The following AGBL1 variants were observed in gnomAD, a reference collection of about 807,000 sequenced individuals.
The protein encoded by AGBL1 is cytosolic carboxypeptidase 4.
Under a neutral mutation model 118.9 loss-of-function variants are expected in AGBL1, and 130 were observed. The ratio of observed to expected loss-of-function variants is 1.09; its 90% CI spans 0.95 to 1.26. The LOEUF is 1.26. Ranked by LOEUF, AGBL1 falls within the 50% of genes most tolerant of loss-of-function variation. The pLI, the probability that AGBL1 is intolerant of heterozygous loss-of-function variation, is 0.00. For synonymous variants in AGBL1, 555 were observed against 478.9 expected, an observed-to-expected ratio of 1.16 and a Z score of -2.08; for missense variants, 1,584 against 1,298.1, an observed-to-expected ratio of 1.22 and a Z score of -3.38.
At chr15:86,992,015 G>A (rs1393540623) in intron 24 of AGBL1, among the ~76,000 whole-genome samples, 1 of 152,166 alleles carries the variant, frequency 6.6e-6, no homozygotes. Flanking sequence ...AAGGAAAAGA[G>A]GTTTAATTGG....
chr15:86,513,015 T>C (rs1169721445), intron 18 of AGBL1, among the ~76,000 whole-genome samples: 3 of 151,848 alleles, frequency 2.0e-5, no homozygotes, highest in Admixed American at 2.0e-4. Context: ...AGTAATAGTA[T>C]AAAAATATTC....
chr15:86,503,318 A>G (rs2082937823), intron 18 of AGBL1, among the ~76,000 whole-genome samples: 2 of 151,308 alleles, frequency 1.3e-5, no homozygotes, highest in South Asian at 2.1e-4. Context: ...AATAATTTAC[A>G]TCTTTTCTTC....
At chr15:86,126,247 T>C (rs759611837) in intron 1 of AGBL1, among the ~76,000 whole-genome samples, 1 of 152,200 alleles carries the variant, frequency 6.6e-6, no homozygotes, top group African/African-American at 2.4e-5. Flanking sequence ...ATAAGAAAGA[T>C]GAAATGTCAT....
At chr15:87,016,219 A>T (rs2081606812) in intron 24 of AGBL1, among the ~76,000 whole-genome samples, 1 of 151,758 alleles carries the variant, frequency 6.6e-6, no homozygotes, top group Non-Finnish European at 1.5e-5. Context: ...ACTAGGACTG[A>T]TATAAGGCCC....
intron 18 of AGBL1, among the ~76,000 whole-genome samples, chr15:86,439,816 G>T (rs776876842): frequency 1.3e-5 from 2 of 152,096 alleles, no homozygotes; most frequent in African/African-American, 2.4e-5. Flanking sequence ...GGCCTCAGTC[G>T]CTCAAACAGC....
At chr15:86,508,231 C>G (rs533760631) in intron 18 of AGBL1, among the ~76,000 whole-genome samples, 5 of 151,932 alleles carry the variant, frequency 3.3e-5, no homozygotes, top group African/African-American at 1.2e-4. Flanking sequence ...CTGTGATTTG[C>G]CTTTTAATTT....
Position 86,440,379 on chromosome 15 carries a change from C to T in AGBL1, c.2555+42833C>T, listed in dbSNP as rs189691599. On this transcript the variant is annotated intron_variant, in intron 18 of 22. Transcript: ENST00000614907. ...TCAGAAATTGATGTCTTTGTAAAAG[C>T]CTTTTTAGATCATCAACAAAGGAGA... Among the ~76,000 whole-genome samples the T allele has an allele frequency of 1.7e-3, 262 of 151,860 alleles. 2 individuals are homozygous for T. The highest frequency in any genetic ancestry group is 6.1e-3 in the African/African-American group (253 of 41,400).
chr15:86,631,821 G>C (rs1414683749), intron 21 of AGBL1, among the ~76,000 whole-genome samples: 1 of 152,158 alleles, frequency 6.6e-6, no homozygotes, highest in African/African-American at 2.4e-5. Flanking sequence ...TACTGCCTCT[G>C]CCTCCATCCC....
chr15:86,963,052 T>C (rs2081009618), intron 23 of AGBL1, among the ~76,000 whole-genome samples: 1 of 152,100 alleles, frequency 6.6e-6, no homozygotes, highest in Non-Finnish European at 1.5e-5. Context: ...AACAATGATA[T>C]TAAAATATCA....
At chr15:86,796,657 A>G (rs78603375) in intron 22 of AGBL1, among the ~76,000 whole-genome samples, 8,889 of 152,314 alleles carry the variant, frequency 0.058, 402 homozygotes, top group Middle Eastern at 0.085. Flanking sequence ...ACTATGGCAC[A>G]GGATGAAATC....
chr15:86,168,544 T>C (rs533919052), intron 5 of AGBL1, among the ~76,000 whole-genome samples: 1 of 152,334 alleles, frequency 6.6e-6, no homozygotes, highest in South Asian at 2.1e-4. Context: ...TATTTATAAT[T>C]GGAAATATTA....
At position 86,196,879 on chromosome 15, in the gene AGBL1, G is replaced by GCGCACACACACACACACACA. The variant is rs756313941; in HGVS notation, c.489-28034_489-28033insGCACACACACACACACACAC. ...CGAATGTGCACATGTGCGCGCGCGCGCACACACACACACACACACACACAC... is the reference window on the plus strand; with the variant it reads ...CGAATGTGCACATGTGCGCGCGCGCGCGCACACACACACACACACACACACACACACACACACACACACAC... On this transcript the variant is annotated intron_variant, in intron 5 of 22. Transcript: ENST00000614907. Among the ~76,000 whole-genome samples the GCGCACACACACACACACACA allele has an allele frequency of 3.4e-5, 4 of 116,960 alleles. No individual in the cohort carries two copies. The Admixed American group carries it at 3.5e-4, about 10-fold the overall frequency. 76.7% of individuals were successfully genotyped at this position (116,960 alleles called of 152,430 possible).
At chr15:86,890,903 T>A (rs2080043466) in intron 22 of AGBL1, among the ~76,000 whole-genome samples, 1 of 152,190 alleles carries the variant, frequency 6.6e-6, no homozygotes, top group African/African-American at 2.4e-5. Context: ...AATTTTAAAA[T>A]AGTTTTTCCT....
At chr15:86,620,885 T>G (rs1387386510) in intron 21 of AGBL1, among the ~76,000 whole-genome samples, 1 of 152,088 alleles carries the variant, frequency 6.6e-6, no homozygotes, top group African/African-American at 2.4e-5. Flanking sequence ...TCACGGCTCT[T>G]TTTCAAGTCG....
chr15:86,795,261 C>G (rs899301227), intron 22 of AGBL1, among the ~76,000 whole-genome samples: 1 of 152,136 alleles, frequency 6.6e-6, no homozygotes, highest in African/African-American at 2.4e-5. Flanking sequence ...TGGGGATAGA[C>G]AAATCATTGC....
At chr15:86,558,147 G>A (rs2083761237) in intron 21 of AGBL1, among the ~76,000 whole-genome samples, 1 of 152,100 alleles carries the variant, frequency 6.6e-6, no homozygotes, top group African/African-American at 2.4e-5. Flanking sequence ...TCTAATAACA[G>A]ATGATAATTA....
intron 22 of AGBL1, among the ~76,000 whole-genome samples, chr15:86,810,614 T>G (rs148430109): frequency 9.3e-4 from 142 of 152,284 alleles, no homozygotes; most frequent in African/African-American, 3.1e-3. Flanking sequence ...CAGTGTTTCT[T>G]TGATTAATTA....
intron 21 of AGBL1, among the ~76,000 whole-genome samples, chr15:86,641,758 CA>C (rs1435452817): frequency 6.6e-6 from 1 of 151,746 alleles, no homozygotes; most frequent in Non-Finnish European, 1.5e-5. Flanking sequence ...TTCTGAATTT[CA>C]AAAAAAGACC....
At chr15:86,780,566 A>G (rs1026362311) in intron 22 of AGBL1, among the ~76,000 whole-genome samples, 1 of 152,086 alleles carries the variant, frequency 6.6e-6, no homozygotes, top group Non-Finnish European at 1.5e-5. Flanking sequence ...CAGTAGATCA[A>G]TTTGGGGGAA....
Sources: allele counts gnomAD v4.1 joint callset (sites outside exome capture counted in the v4.1 genomes callset), GRCh38; gene constraint gnomAD v4.1.1; transcripts MANE v1.5; gene names NCBI Gene and HGNC (gene_info 2026-07-23, HGNC 2026-07-21).